DMXL1: variants seen among roughly 807,000 people sequenced by gnomAD.
The protein encoded by DMXL1 is Dmx like 1, also known as dmX-like protein 1.
DMXL1 carries 99 observed loss-of-function variants against 319.2 expected under a neutral mutation model. The observed-to-expected ratio is 0.31, with a 90% confidence interval of 0.26 to 0.37. The LOEUF (loss-of-function observed/expected upper bound fraction) is 0.37, where lower values mean the gene tolerates loss of function less well. Among genes scored for constraint, DMXL1 ranks in the 10% least tolerant of loss-of-function variants. DMXL1 has a pLI of 1.00. For missense variants in DMXL1, 3,745 were observed against 3,595.6 expected, an observed-to-expected ratio of 1.04 and a Z score of -1.06; for synonymous variants, 1,385 against 1,235.2, an observed-to-expected ratio of 1.12 and a Z score of -2.54.
At chr5:119,100,086 T>C (rs936614841) in intron 2 of DMXL1, among the ~76,000 whole-genome samples, 2 of 152,140 alleles carry the variant, frequency 1.3e-5, no homozygotes, top group Admixed American at 6.5e-5. Context: ...TTTACAGATA[T>C]CAGTATTATC....
chr5:119,166,952 T>G (rs556614209), intron 22 of DMXL1, among the ~76,000 whole-genome samples, 171 bp downstream of exon 22: 1 of 152,284 alleles, frequency 6.6e-6, no homozygotes, highest in Non-Finnish European at 1.5e-5. Context: ...ACTGTTAACT[T>G]GAACGGTATT....
intron 1 of DMXL1, 65 bp downstream of exon 1, chr5:119,071,721 T>C: frequency 1.4e-6 from 2 of 1,384,156 alleles, no homozygotes; most frequent in Non-Finnish European, 9.7e-7. Flanking sequence ...GGGCCGAGCT[T>C]GGCCCAGAAC....
intron 28 of DMXL1, among the ~76,000 whole-genome samples, chr5:119,181,726 C>T (rs770604981): frequency 5.9e-5 from 9 of 152,006 alleles, no homozygotes; most frequent in Non-Finnish European, 1.2e-4. Context: ...GCAGGAGAAT[C>T]GCTTGAACCT....
rs757488869 is a variant in DMXL1 at position 119,171,324 on chromosome 5, CTG to C, written c.6489+46_6489+47del. 2.3e-5 allele frequency: 35 copies of C among 1,523,846 alleles called. No individual in the cohort carries two copies. The Admixed American group carries it at 4.3e-4, about 19-fold the overall frequency. The allele number at this position is 1,523,846 out of a possible 1,614,324, so 94.4% of individuals were successfully genotyped here. Reference sequence around the variant, plus strand: ...AGTCAAAAATGGTACATGTCTAAAACTGTTTTTGGTGTTTCTTTTTTGGTTTT... The same window carrying C: ...AGTCAAAAATGGTACATGTCTAAAACTTTTTGGTGTTTCTTTTTTGGTTTT... On this transcript the variant is annotated intron_variant, in intron 24 of 43. Transcript: ENST00000539542.
intron 36 of DMXL1, 106 bp from the exon 37 acceptor site, chr5:119,220,834 G>T: frequency 2.2e-6 from 3 of 1,378,896 alleles, no homozygotes; most frequent in South Asian, 2.9e-5. Context: ...AAGAGCTGAA[G>T]AAAATTAATT....
At chr5:119,097,761 A>G (rs1240721612) in intron 1 of DMXL1, among the ~76,000 whole-genome samples, 1 of 152,108 alleles carries the variant, frequency 6.6e-6, no homozygotes, top group Non-Finnish European at 1.5e-5. Context: ...GTTGATGCAT[A>G]TTTTGCAGAA....
chr5:119,076,603 T>C (rs1322382277), intron 1 of DMXL1, among the ~76,000 whole-genome samples: 1 of 152,222 alleles, frequency 6.6e-6, no homozygotes, highest in Non-Finnish European at 1.5e-5. Flanking sequence ...TTTAAAATCA[T>C]TGAAATGATA....
At chr5:119,105,089 T>G in intron 3 of DMXL1, 91 bp from the exon 4 acceptor site, 1 of 807,072 alleles carries the variant, frequency 1.2e-6, no homozygotes, top group Non-Finnish European at 2.1e-6. Flanking sequence ...TGACTGCCTG[T>G]GTTATTGTAA....
chr5:119,110,684 C>T (rs1466876336), intron 5 of DMXL1, among the ~76,000 whole-genome samples: 3 of 152,084 alleles, frequency 2.0e-5, no homozygotes, highest in Non-Finnish European at 4.4e-5. Context: ...GTTCTAAACT[C>T]TACTTAAAAG....
In DMXL1 at chr5:119,165,571, C is replaced by T. The variant is rs1393230581; in HGVS notation, c.4970+291C>T. Among the ~76,000 whole-genome samples the T allele has an allele frequency of 2.0e-5, 3 of 152,272 alleles. No homozygotes were observed. In the South Asian group the frequency reaches 6.2e-4, roughly 32 times the overall value. The stretch of plus-strand genomic sequence containing the variant: ...ATAAAACAAAGGTAATGTATTAGTC[C>T]GTTTTCATGCTGCTAATAAAGACAT... On this transcript the variant is annotated intron_variant, in intron 21 of 43. Coordinates refer to ENST00000539542, the MANE Select transcript of DMXL1 (RefSeq NM_001290321.3).
chr5:119,125,277 C>A (rs371301848), intron 9 of DMXL1, among the ~76,000 whole-genome samples: 2 of 152,080 alleles, frequency 1.3e-5, no homozygotes, highest in South Asian at 4.1e-4. Flanking sequence ...GTGAATTAGA[C>A]TGCATAAATA....
chr5:119,132,891 C>G (rs1185534713), intron 10 of DMXL1: 5 of 584,572 alleles, frequency 8.6e-6, no homozygotes, highest in Non-Finnish European at 1.2e-5. Context: ...AACTAGATCT[C>G]AAAGTATGCT....
intron 39 of DMXL1, among the ~76,000 whole-genome samples, chr5:119,234,386 A>T (rs1561936194): frequency 6.6e-6 from 1 of 151,986 alleles, no homozygotes; most frequent in Non-Finnish European, 1.5e-5. Flanking sequence ...ACTCTCACAG[A>T]CTCTAACTGA....
At chr5:119,147,015 CA>C in intron 16 of DMXL1, 59 bp downstream of exon 16, 1 of 1,570,306 alleles carries the variant, frequency 6.4e-7, no homozygotes. Flanking sequence ...ACAAATTACA[CA>C]AAATTAGATA....
intron 1 of DMXL1, among the ~76,000 whole-genome samples, chr5:119,092,812 C>T (rs1486158795): frequency 6.6e-6 from 1 of 152,116 alleles, no homozygotes; most frequent in Non-Finnish European, 1.5e-5. Context: ...AAAGTTCATC[C>T]ATGTTCTAGC....
At chr5:119,161,012 T>A (rs112063617) in intron 19 of DMXL1, among the ~76,000 whole-genome samples, 53 of 152,366 alleles carry the variant, frequency 3.5e-4, no homozygotes, top group African/African-American at 1.2e-3. Flanking sequence ...ATTAGTTTGT[T>A]TCGAGATATA....
At chr5:119,113,838 C>G (rs1760211511) in intron 5 of DMXL1, among the ~76,000 whole-genome samples, 1 of 152,094 alleles carries the variant, frequency 6.6e-6, no homozygotes, top group East Asian at 1.9e-4. Flanking sequence ...CTTTGGATAT[C>G]TTTATAAATA....
At chr5:119,135,221 T>A (rs1765741853) in intron 13 of DMXL1, among the ~76,000 whole-genome samples, 1 of 152,108 alleles carries the variant, frequency 6.6e-6, no homozygotes, top group African/African-American at 2.4e-5. Flanking sequence ...TAATGGGAAT[T>A]TAGATGTGAA....
At chr5:119,183,919 A>T (rs1316262779) in intron 28 of DMXL1, among the ~76,000 whole-genome samples, 2 of 152,206 alleles carry the variant, frequency 1.3e-5, no homozygotes, top group Non-Finnish European at 2.9e-5. Context: ...AACTCCAAGA[A>T]ATGTGCATGT....
Sources: allele counts gnomAD v4.1 joint callset (sites outside exome capture counted in the v4.1 genomes callset), GRCh38; gene constraint gnomAD v4.1.1; transcripts MANE v1.5; gene names NCBI Gene and HGNC (gene_info 2026-07-23, HGNC 2026-07-21).